The following CA10 variants were observed in gnomAD, a reference collection of about 807,000 sequenced individuals.
The protein encoded by CA10 is carbonic anhydrase 10 (inactive).
Under a neutral mutation model 44.2 loss-of-function variants are expected in CA10, and 14 were observed. The observed-to-expected ratio is 0.32, with a 90% confidence interval of 0.21 to 0.50. The LOEUF (loss-of-function observed/expected upper bound fraction) is 0.50, where lower values mean the gene tolerates loss of function less well. Among genes scored for constraint, CA10 ranks in the 20% least tolerant of loss-of-function variants. CA10 has a pLI of 0.99. For synonymous variants in CA10, 159 were observed against 141.6 expected, an observed-to-expected ratio of 1.12 and a Z score of -0.87; for missense variants, 350 against 409.7, an observed-to-expected ratio of 0.85 and a Z score of 1.26.
chr17:52,137,085 G>A (rs1268605420), intron 1 of CA10, among the ~76,000 whole-genome samples: 1 of 151,616 alleles, frequency 6.6e-6, no homozygotes, highest in Non-Finnish European at 1.5e-5. Flanking sequence ...GTTTACGGAT[G>A]TGGGGATTTT....
chr17:51,642,625 A>T (rs1224058833), intron 6 of CA10, among the ~76,000 whole-genome samples: 2 of 152,164 alleles, frequency 1.3e-5, no homozygotes, highest in African/African-American at 4.8e-5. Flanking sequence ...ACATTAGGAC[A>T]ATAGCCATAT....
chr17:52,159,255 T>G (rs935589364), upstream of CA10: 1 of 152,204 alleles, frequency 6.6e-6, no homozygotes, highest in African/African-American at 2.4e-5. Context: ...TCCGTGCCAG[T>G]GCCAGAACAC....
intron 3 of CA10, among the ~76,000 whole-genome samples, chr17:51,818,132 G>A (rs1274518519): frequency 6.6e-6 from 1 of 152,194 alleles, no homozygotes; most frequent in Non-Finnish European, 1.5e-5. Context: ...TTGAATTGCT[G>A]TGTGATCCTA....
intron 3 of CA10, among the ~76,000 whole-genome samples, chr17:51,804,352 C>G (rs537615539): frequency 4.6e-5 from 7 of 152,302 alleles, no homozygotes; most frequent in African/African-American, 1.7e-4. Flanking sequence ...GCTTCTCTTT[C>G]ATCCTCTTCA....
intron 2 of CA10, among the ~76,000 whole-genome samples, chr17:52,039,518 T>A (rs1189064130): frequency 1.3e-5 from 2 of 152,070 alleles, no homozygotes; most frequent in East Asian, 3.9e-4. Context: ...TGTGATCATC[T>A]CTGCTACCCA....
chr17:52,052,238 G>A (rs1185757436), intron 2 of CA10, among the ~76,000 whole-genome samples: 1 of 149,298 alleles, frequency 6.7e-6, no homozygotes, highest in Non-Finnish European at 1.5e-5. Flanking sequence ...CATGACATAA[G>A]TTTACCTAGG....
intron 2 of CA10, among the ~76,000 whole-genome samples, chr17:52,018,480 C>T (rs1289222655): frequency 6.6e-6 from 1 of 152,150 alleles, no homozygotes; most frequent in Non-Finnish European, 1.5e-5. Context: ...GATTTAATGT[C>T]TGCTCTGCTG....
At chr17:51,661,675 G>A (rs551104615) in intron 4 of CA10, 1 of 152,322 alleles carries the variant, frequency 6.6e-6, no homozygotes, top group African/African-American at 2.4e-5. Context: ...GGTATGTGCA[G>A]GTCTCCTTTG....
At chr17:51,893,553 G>A (rs182636515) in intron 3 of CA10, among the ~76,000 whole-genome samples, 13 of 152,262 alleles carry the variant, frequency 8.5e-5, no homozygotes, top group Admixed American at 8.5e-4. Context: ...TAAGGTCCAT[G>A]GAAATGAATT....
chr17:51,867,091 G>C (rs1168995383), intron 3 of CA10, among the ~76,000 whole-genome samples: 1 of 151,718 alleles, frequency 6.6e-6, no homozygotes, highest in East Asian at 1.9e-4. Context: ...AAAAAAAAAA[G>C]AGCCTCTAAA....
intron 3 of CA10, among the ~76,000 whole-genome samples, chr17:51,868,665 A>T (rs1181576667): frequency 5.3e-5 from 8 of 152,088 alleles, no homozygotes; most frequent in Admixed American, 2.0e-4. Flanking sequence ...TCCCTAGTCC[A>T]GCACTGCTCA....
intron 4 of CA10, among the ~76,000 whole-genome samples, chr17:51,710,747 C>T (rs190921696): frequency 3.4e-4 from 52 of 152,014 alleles, no homozygotes; most frequent in Non-Finnish European, 6.6e-4. Context: ...AGTCTAAGTC[C>T]CCACCAGAGG....
chr17:51,809,419 A>C (rs1022221576), intron 3 of CA10, among the ~76,000 whole-genome samples: 19 of 152,350 alleles, frequency 1.2e-4, no homozygotes, highest in African/African-American at 4.3e-4. Context: ...ATCTCAAGGA[A>C]GCTTGCCCAC....
At chr17:52,120,057 A>C (rs916807814) in intron 1 of CA10, among the ~76,000 whole-genome samples, 2 of 152,188 alleles carry the variant, frequency 1.3e-5, no homozygotes, top group Non-Finnish European at 2.9e-5. Flanking sequence ...ATCCTTTTTG[A>C]GAAAATAAGA....
chr17:52,020,541 A>T (rs1445423826), intron 2 of CA10, among the ~76,000 whole-genome samples: 2 of 151,758 alleles, frequency 1.3e-5, no homozygotes, highest in Non-Finnish European at 2.9e-5. Flanking sequence ...AAATGTCTTT[A>T]TTTTGTCTTT....
chr17:51,964,504 G>A (rs756056294), intron 2 of CA10, among the ~76,000 whole-genome samples: 2 of 151,590 alleles, frequency 1.3e-5, no homozygotes, highest in Non-Finnish European at 2.9e-5. Flanking sequence ...CCACATTCTT[G>A]GCCATAAAGC....
chr17:51,686,087 G>GT (rs1555584427), intron 4 of CA10, among the ~76,000 whole-genome samples: 1 of 151,896 alleles, frequency 6.6e-6, no homozygotes, highest in Non-Finnish European at 1.5e-5. Context: ...TCATGGGTCG[G>GT]GGGGGGCGTC....
At chr17:51,869,639 G>A (rs185103299) in intron 3 of CA10, among the ~76,000 whole-genome samples, 2 of 152,280 alleles carry the variant, frequency 1.3e-5, no homozygotes, top group East Asian at 3.9e-4. Context: ...GCTGGGTATA[G>A]TGGCTCATGC....
intron 2 of CA10, among the ~76,000 whole-genome samples, chr17:51,974,158 G>A (rs1304910766): frequency 6.6e-6 from 1 of 152,082 alleles, no homozygotes; most frequent in Non-Finnish European, 1.5e-5. Flanking sequence ...GGTAGAGGCA[G>A]GCAGATCACG....
Sources: gnomAD v4.1 joint callset for allele counts (sites outside exome capture counted in the v4.1 genomes callset) on GRCh38, gnomAD v4.1.1 for gene constraint, MANE v1.5 for transcripts, NCBI Gene and HGNC (gene_info 2026-07-23, HGNC 2026-07-21) for gene names.